Variants in STAG1 observed in about 807,000 individuals in gnomAD.
The protein encoded by STAG1 is STAG1 cohesin complex component, also known as cohesin subunit SA-1.
Under a neutral mutation model 170.9 loss-of-function variants are expected in STAG1, and 26 were observed. The ratio of observed to expected loss-of-function variants is 0.15; its 90% CI spans 0.11 to 0.21. The LOEUF (loss-of-function observed/expected upper bound fraction) is 0.21, where lower values mean the gene tolerates loss of function less well. Among genes scored for constraint, STAG1 ranks in the 10% least tolerant of loss-of-function variants. The pLI, the probability that STAG1 is intolerant of heterozygous loss-of-function variation, is 1.00. For synonymous variants in STAG1, 514 were observed against 497.7 expected, an observed-to-expected ratio of 1.03 and a Z score of -0.44; for missense variants, 964 against 1,509.5, an observed-to-expected ratio of 0.64 and a Z score of 5.99.
intron 23 of STAG1, among the ~76,000 whole-genome samples, chr3:136,375,148 C>T (rs1937526660): frequency 6.6e-6 from 1 of 152,172 alleles, no homozygotes; most frequent in Admixed American, 6.5e-5. Context: ...ACATTTCTCA[C>T]AATGTATCCT....
At chr3:136,627,198 T>C (rs1180074805) in intron 2 of STAG1, among the ~76,000 whole-genome samples, 1 of 152,246 alleles carries the variant, frequency 6.6e-6, no homozygotes, top group Admixed American at 6.5e-5. Flanking sequence ...TGCACTGTTA[T>C]GTGTTAGTAT....
intron 5 of STAG1, among the ~76,000 whole-genome samples, chr3:136,562,589 C>CT (rs1045319198): frequency 7.3e-5 from 11 of 150,278 alleles, no homozygotes; most frequent in Non-Finnish European, 1.6e-4. Flanking sequence ...TGAGTCATTT[C>CT]TTTTTTTCTT....
intron 1 of STAG1, among the ~76,000 whole-genome samples, chr3:136,659,149 T>G (rs1465882760): frequency 1.3e-5 from 2 of 152,110 alleles, no homozygotes; most frequent in Non-Finnish European, 2.9e-5. Flanking sequence ...AGAACGCGAG[T>G]GATAGCTGTG....
chr3:136,749,157 T>C (rs2107960345), intron 1 of STAG1, among the ~76,000 whole-genome samples: 1 of 152,248 alleles, frequency 6.6e-6, no homozygotes, highest in South Asian at 2.1e-4. Flanking sequence ...TATGACAAAA[T>C]ATATGTTTGC....
chr3:136,566,793 C>G (rs562600536), intron 5 of STAG1, among the ~76,000 whole-genome samples: 19 of 152,224 alleles, frequency 1.2e-4, no homozygotes, highest in African/African-American at 4.6e-4. Context: ...CATAAAATTA[C>G]TCATTACAGT....
chr3:136,619,220 G>A (rs938117666), intron 3 of STAG1, among the ~76,000 whole-genome samples: 4 of 150,846 alleles, frequency 2.7e-5, no homozygotes, highest in African/African-American at 9.8e-5. Flanking sequence ...GGCAGGGGGT[G>A]GGGCAGTGCT....
Position 136,472,432 on chromosome 3 carries a change from A to C in STAG1, c.1186T>G (p.Leu396Val). ...ACTTACTGAAGTATCAGAGTAACCA[A>C]TCGAATAGCTTCCACAGCAACATCA... ...EYDVAVEAIRLVTLILHGSEE... is the reference protein window; with the variant it reads ...EYDVAVEAIRVVTLILHGSEE... Residue 396 changes from leucine to valine, a missense_variant, in exon 12 of 34, where the codon TTG becomes GTG. Physicochemically the swap from Leu to Val is conservative, Grantham distance 32 (BLOSUM62 1). Around this residue, in one of 11 missense-constraint regions of STAG1, gnomAD observed 162 missense variants for 211.2 expected, o/e 0.77. Transcript: ENST00000383202. The C allele has an allele frequency of 1.2e-6, 2 of 1,612,478 alleles. No individual in the cohort carries two copies. The highest frequency in any genetic ancestry group is 1.7e-6 in the Non-Finnish European group (2 of 1,178,986).
chr3:136,509,195 T>G (rs1361050610), intron 7 of STAG1, among the ~76,000 whole-genome samples: 28 of 152,080 alleles, frequency 1.8e-4, no homozygotes, highest in Admixed American at 1.7e-3. Context: ...GCTAGATAGG[T>G]AGGTAGGCTT....
intron 12 of STAG1, among the ~76,000 whole-genome samples, chr3:136,465,706 T>G (rs1297443583): frequency 6.7e-6 from 1 of 150,148 alleles, no homozygotes; most frequent in Non-Finnish European, 1.5e-5. Context: ...AGAGCTCAAA[T>G]AGGGTCCACA....
At chr3:136,595,483 G>A (rs1303433360) in intron 4 of STAG1, among the ~76,000 whole-genome samples, 2 of 151,938 alleles carry the variant, frequency 1.3e-5, no homozygotes, top group Non-Finnish European at 1.5e-5. Flanking sequence ...CACGAGGTCA[G>A]GAGATTGAGA....
At chr3:136,704,882 T>C (rs1943182789) in intron 1 of STAG1, among the ~76,000 whole-genome samples, 1 of 149,708 alleles carries the variant, frequency 6.7e-6, no homozygotes, top group Non-Finnish European at 1.5e-5. Context: ...AAGGGTTAAT[T>C]CATTAAGAAG....
chr3:136,533,827 T>C (rs929688493), intron 6 of STAG1, among the ~76,000 whole-genome samples: 8 of 152,106 alleles, frequency 5.3e-5, no homozygotes, highest in African/African-American at 1.9e-4. Flanking sequence ...ACAAATTCAA[T>C]GTAATCCCTA....
intron 9 of STAG1, among the ~76,000 whole-genome samples, chr3:136,491,943 A>G (rs574963182): frequency 1.2e-3 from 185 of 152,326 alleles, no homozygotes; most frequent in South Asian, 2.7e-3. Context: ...AATCAGCCCA[A>G]GATCACGCTG....
At position 136,422,957 on chromosome 3, in the gene STAG1, A is replaced by T. The variant is rs1394296076; in HGVS notation, c.1738T>A (p.Ser580Thr). 6.2e-7 allele frequency: 1 copy of T among 1,600,522 alleles called. No homozygotes were observed. Among genetic ancestry groups the T allele is most frequent in the East Asian group, 2.2e-5 (1 of 44,610 alleles). Reference protein sequence around the residue: ...HFIITLPMLLSKYSADAEKVA... With the variant: ...HFIITLPMLLTKYSADAEKVA... ...AACTGTAAATGAAACTGTACCTTTG[A>T]CAGTAACATAGGAAGTGTAATAATA... Residue 580 changes from serine to threonine, a missense_variant, in exon 17 of 34, where the codon TCA (serine) becomes ACA (threonine). Ser to Thr is a moderately conservative substitution (Grantham distance 58, BLOSUM62 1). Transcript: ENST00000383202.
intron 29 of STAG1, among the ~76,000 whole-genome samples, chr3:136,348,596 G>T (rs1214892390): frequency 1.3e-5 from 2 of 151,882 alleles, no homozygotes; most frequent in Non-Finnish European, 1.5e-5. Context: ...AGAGATGGGA[G>T]TCTTGCTATG....
In STAG1 at chr3:136,477,432, A is replaced by T; in HGVS notation, c.903-20T>A. On this transcript the variant is annotated intron_variant, in intron 9 of 33. Coordinates refer to ENST00000383202, the MANE Select transcript of STAG1 (RefSeq NM_005862.3). ...GCATCACTAGAGAGAGAAAAAAAAG[A>T]CAATCTCAAATTAATATACAAAGCT... 6.3e-7 allele frequency: 1 copy of T among 1,583,900 alleles called. No individual in the cohort carries two copies.
rs767401141 is a variant in STAG1 at position 136,418,360 on chromosome 3, CAAAAAAAAAAAAAAAAAAAAA to C, written c.2109-409_2109-389del. Among the ~76,000 whole-genome samples the C allele has an allele frequency of 3.2e-3, 159 of 49,762 alleles. 1 individual carries two copies. Among genetic ancestry groups the C allele is most frequent in the African/African-American group, 0.014 (133 of 9,268 alleles). 32.6% of individuals were successfully genotyped at this position (49,762 alleles called of 152,430 possible). A position where few individuals can be genotyped will look rare whatever the true frequency, so the allele number is the denominator to read the frequency against. On this transcript the variant is annotated intron_variant, in intron 20 of 33. Transcript: ENST00000383202. ...GGGTAACTGAGCAAGACTCTGTCTC[CAAAAAAAAAAAAAAAAAAAAA>C]AAAAAAAAAAAAAAAAAAAGGTTTT...
At chr3:136,688,167 G>A (rs1942600244) in intron 1 of STAG1, among the ~76,000 whole-genome samples, 1 of 152,148 alleles carries the variant, frequency 6.6e-6, no homozygotes, top group Admixed American at 6.6e-5. Context: ...TCAGGAGTGA[G>A]GGCCTTTTTA....
At chr3:136,398,708 T>G in intron 22 of STAG1, 41 bp downstream of exon 22, 1 of 1,213,876 alleles carries the variant, frequency 8.2e-7, no homozygotes, top group Non-Finnish European at 1.2e-6. Context: ...AAGGTTATTA[T>G]TTCAGTAATA....
Sources: allele counts gnomAD v4.1 joint callset (sites outside exome capture counted in the v4.1 genomes callset), GRCh38; gene constraint gnomAD v4.1.1; regional missense constraint gnomAD v4.1.1; transcripts MANE v1.5; gene names NCBI Gene and HGNC (gene_info 2026-07-23, HGNC 2026-07-21).